Variants in TLE3 observed in about 807,000 individuals in gnomAD.
TLE3 encodes the protein transducin-like enhancer protein 3.
A neutral mutation model predicts 93.0 loss-of-function variants in TLE3; 14 were observed. The observed-to-expected ratio is 0.15, with a 90% CI of 0.10 to 0.24. TLE3 has a LOEUF of 0.24. Among genes scored for constraint, TLE3 ranks in the 10% least tolerant of loss-of-function variants. The pLI is 1.00. For missense variants in TLE3, 693 were observed against 1,046.6 expected, an observed-to-expected ratio of 0.66 and a Z score of 4.66; for synonymous variants, 451 against 425.0, an observed-to-expected ratio of 1.06 and a Z score of -0.75.
chr15:70,064,166 G>GA (rs2056670952), intron 8 of TLE3, among the ~76,000 whole-genome samples: 1 of 152,204 alleles, frequency 6.6e-6, no homozygotes, highest in African/African-American at 2.4e-5. Context: ...TTCCACAACT[G>GA]AAGGTCACTC....
chr15:70,064,644 G>A (rs1450495216), intron 7 of TLE3, among the ~76,000 whole-genome samples, 174 bp from the exon 8 acceptor site: 2 of 152,214 alleles, frequency 1.3e-5, no homozygotes, highest in African/African-American at 2.4e-5. Context: ...AGCCAAGGCA[G>A]GGCCATTAGG....
chr15:70,096,724 G>GT (rs2058583770), intron 1 of TLE3, 51 bp downstream of exon 1: 1 of 1,606,962 alleles, frequency 6.2e-7, no homozygotes, highest in East Asian at 2.2e-5. Context: ...AAACTGCCTC[G>GT]TTTACCCTGC....
chr15:70,095,617 C>T lies in TLE3; in HGVS notation c.150G>A (p.Leu50=), dbSNP rs752149334. Residue 50 remains leucine (L), a synonymous_variant, in exon 3 of 20, where the codon CTG becomes CTA. Transcript: ENST00000451782. The part of the protein sequence containing the change: ...YHSLKVEYDK[L]ANEKTEMQRH... ...GCTGCATCTCCGTCTTCTCGTTTGC[C>T]AGCTTGTCGTACTCCACTTTGAGGC... is the stretch of plus-strand genomic sequence containing the variant. 19 of 1,551,480 alleles carry T rather than the reference C, an allele frequency of 1.2e-5. No individual in the cohort carries two copies. Among genetic ancestry groups the T allele is most frequent in the South Asian group, 1.2e-5 (1 of 84,072 alleles).
At chr15:70,065,963 G>A (rs1036910840) in intron 7 of TLE3, 51 bp downstream of exon 7, 20 of 1,475,300 alleles carry the variant, frequency 1.4e-5, no homozygotes, top group Admixed American at 3.7e-5. Flanking sequence ...GCCTATGAGC[G>A]CCCATGCCCA....
At chr15:70,081,153 G>C (rs1567038910) in intron 4 of TLE3, among the ~76,000 whole-genome samples, 1 of 152,116 alleles carries the variant, frequency 6.6e-6, no homozygotes, top group African/African-American at 2.4e-5. Context: ...GTGTGGCTTT[G>C]GGCAAATCAC....
In TLE3 at chr15:70,058,856, GC is replaced by G; in HGVS notation, c.766-42del. 8.6e-6 allele frequency: 13 copies of G among 1,509,956 alleles called. No homozygotes were observed. Among genetic ancestry groups the G allele is most frequent in the Non-Finnish European group, 1.1e-5 (13 of 1,131,038 alleles). The allele number at this position is 1,509,956 out of a possible 1,614,324, so 93.5% of individuals were successfully genotyped here. The stretch of plus-strand genomic sequence containing the variant: ...ATGCAGAGATGCACTGAAAGCAACA[GC>G]CAGCCTCGAGGCTTCCCTGCTCTGG... On this transcript the variant is annotated intron_variant, in intron 10 of 19. Coordinates refer to ENST00000451782, the MANE Select transcript of TLE3 (RefSeq NM_001105192.3). This position sits in a 1 kb window ranked among gnomAD's most constrained non-coding sequence, Gnocchi z 4.1.
chr15:70,081,535 C>G (rs1180490008), intron 4 of TLE3, among the ~76,000 whole-genome samples: 1 of 152,248 alleles, frequency 6.6e-6, no homozygotes, highest in Non-Finnish European at 1.5e-5. Context: ...TGTCAAGCCC[C>G]TACTGTGCAG....
Position 70,049,968 on chromosome 15 carries a change from G to A in TLE3, c.*129C>T. On this transcript the variant is annotated 3_prime_UTR_variant, in exon 20 of 20. Transcript: ENST00000451782. ...GCACGTGCCCTCTCAGCCGGCCGGAGCGCAGCCCTGAACGCTCGGCTGCCT... is the reference window on the plus strand; with the variant it reads ...GCACGTGCCCTCTCAGCCGGCCGGAACGCAGCCCTGAACGCTCGGCTGCCT... 1.4e-6 allele frequency: 1 copy of A among 724,498 alleles called. No homozygotes were observed. The highest frequency in any genetic ancestry group is 1.6e-5 in the South Asian group (1 of 62,104). 44.9% of individuals were successfully genotyped at this position (724,498 alleles called of 1,614,324 possible).
chr15:70,091,531 G>C (rs964515292), intron 4 of TLE3, among the ~76,000 whole-genome samples: 4 of 152,198 alleles, frequency 2.6e-5, no homozygotes, highest in Admixed American at 1.3e-4. Context: ...TGGTGGAGGT[G>C]GGTGACCTCT....
chr15:70,053,414 CCA>C (rs1474740601), intron 16 of TLE3, 40 bp from the exon 17 acceptor site: 1 of 1,571,868 alleles, frequency 6.4e-7, no homozygotes, highest in Admixed American at 1.8e-5. Flanking sequence ...GTCCCGGGAA[CCA>C]CAGACTGCCA....
intron 3 of TLE3, 190 bp downstream of exon 3, chr15:70,095,388 A>G: frequency 6.9e-7 from 1 of 1,459,838 alleles, no homozygotes; most frequent in Non-Finnish European, 9.0e-7. Context: ...CCCCTCACTC[A>G]CCCTCCTCCA....
chr15:70,067,803 G>C (rs2056905097), intron 6 of TLE3, among the ~76,000 whole-genome samples: 1 of 152,224 alleles, frequency 6.6e-6, no homozygotes, highest in Non-Finnish European at 1.5e-5. Flanking sequence ...TGGCACTCCT[G>C]GCCCCAGAGG....
intron 4 of TLE3, among the ~76,000 whole-genome samples, chr15:70,080,101 T>G (rs2057691370): frequency 6.6e-6 from 1 of 150,930 alleles, no homozygotes; most frequent in African/African-American, 2.4e-5. Flanking sequence ...CTTCAACAAT[T>G]GGGACAGGTC....
At chr15:70,096,140 G>A in intron 2 of TLE3, 21 bp downstream of exon 2, 1 of 1,544,234 alleles carries the variant, frequency 6.5e-7, no homozygotes, top group Non-Finnish European at 8.8e-7. Flanking sequence ...CCAGCCCCGG[G>A]GCGGCCCCCA....
intron 4 of TLE3, among the ~76,000 whole-genome samples, chr15:70,083,772 C>T (rs2057908162): frequency 6.6e-6 from 1 of 151,974 alleles, no homozygotes; most frequent in African/African-American, 2.4e-5. Context: ...GGGGTCTCCC[C>T]CCATCAGGTC....
Position 70,049,125 on chromosome 15 carries a change from C to G in TLE3, c.*972G>C, listed in dbSNP as rs749937536. On this transcript the variant is annotated 3_prime_UTR_variant, in exon 20 of 20. Transcript: ENST00000451782. The stretch of plus-strand genomic sequence containing the variant: ...GGCTGTGTCCCAAGATTCAGAAGAG[C>G]TGGAGAGGGAGTTCCTTTGAACTTC... 6.6e-6 allele frequency: 1 copy of G among 152,112 alleles called. No homozygotes were observed. The highest frequency in any genetic ancestry group is 1.5e-5 in the Non-Finnish European group (1 of 68,040). The allele number at this position is 152,112 out of a possible 1,614,324, so 9.4% of individuals were successfully genotyped here.
chr15:70,064,862 T>C (rs2056715794), intron 7 of TLE3, among the ~76,000 whole-genome samples: 1 of 139,356 alleles, frequency 7.2e-6, no homozygotes, highest in African/African-American at 2.7e-5. Flanking sequence ...GATCATGCCA[T>C]ATAAAATACC....
intron 15 of TLE3, 39 bp from the exon 16 acceptor site, chr15:70,054,724 C>T (rs1164724632): frequency 6.6e-7 from 1 of 1,523,104 alleles, no homozygotes; most frequent in African/African-American, 1.4e-5. Flanking sequence ...CTGCCTACTT[C>T]CCCTCCTGGG....
intron 4 of TLE3, among the ~76,000 whole-genome samples, chr15:70,087,871 C>A (rs1240913612): frequency 6.6e-6 from 1 of 152,212 alleles, no homozygotes; most frequent in Non-Finnish European, 1.5e-5. Flanking sequence ...AGTATTTGTT[C>A]TCAGATAAAA....
Sources: gnomAD v4.1 joint callset for allele counts (sites outside exome capture counted in the v4.1 genomes callset) on GRCh38, gnomAD v4.1.1 for gene constraint, Gnocchi (gnomAD v3.1) non-coding constraint, MANE v1.5 for transcripts, NCBI Gene and HGNC (gene_info 2026-07-23, HGNC 2026-07-21) for gene names.